Variants in SCFD2 observed in about 807,000 individuals in gnomAD.
SCFD2 encodes sec1 family domain-containing protein 2.
A neutral mutation model predicts 58.9 loss-of-function variants in SCFD2; 54 were observed. That is an observed-to-expected ratio of 0.92 (90% CI 0.74 to 1.15). The LOEUF is 1.15. Ranked by LOEUF, SCFD2 falls within the 50% of genes most tolerant of loss-of-function variation. The probability of loss-of-function intolerance (pLI) is 0.00; values close to 1 mark genes in which losing one functional copy is unlikely to be tolerated. For missense variants in SCFD2, 805 were observed against 836.6 expected (o/e 0.96, Z 0.47); for synonymous variants, 321 against 335.9 (o/e 0.96, Z 0.49).
At chr4:53,193,087 A>T (rs762319618) in intron 4 of SCFD2, among the ~76,000 whole-genome samples, 28 of 152,216 alleles carry the variant, frequency 1.8e-4, no homozygotes, top group Non-Finnish European at 3.4e-4. Flanking sequence ...AAATGGCTAA[A>T]TTTCCTGAAA....
chr4:53,216,267 G>A (rs537212099), intron 4 of SCFD2, among the ~76,000 whole-genome samples: 22 of 152,192 alleles, frequency 1.4e-4, no homozygotes, highest in African/African-American at 4.1e-4. Context: ...CTGTGAATTC[G>A]TCTGGCTCTG....
At chr4:52,993,139 T>A (rs1721661014) in intron 5 of SCFD2, among the ~76,000 whole-genome samples, 2 of 151,968 alleles carry the variant, frequency 1.3e-5, no homozygotes, top group Non-Finnish European at 2.9e-5. Flanking sequence ...CCACTCAGGG[T>A]TAAATGGATT....
chr4:53,322,213 C>CAA (rs1485722337), intron 2 of SCFD2, among the ~76,000 whole-genome samples: 3 of 152,102 alleles, frequency 2.0e-5, no homozygotes, highest in African/African-American at 7.2e-5. Context: ...GACCTTACTG[C>CAA]AAGCTGTTTT....
intron 5 of SCFD2, among the ~76,000 whole-genome samples, chr4:53,123,381 C>T (rs1018966216): frequency 5.9e-5 from 9 of 152,022 alleles, no homozygotes; most frequent in African/African-American, 2.2e-4. Flanking sequence ...TCCGGTTTGG[C>T]TAAGGAAATG....
At chr4:52,921,753 GCTTCC>G (rs1719741652) in intron 5 of SCFD2, among the ~76,000 whole-genome samples, 1 of 152,118 alleles carries the variant, frequency 6.6e-6, no homozygotes, top group East Asian at 1.9e-4. Flanking sequence ...TATTCCGACT[GCTTCC>G]TACCTCAGTA....
intron 5 of SCFD2, among the ~76,000 whole-genome samples, chr4:53,065,601 T>C (rs751252183): frequency 1.3e-5 from 2 of 152,124 alleles, no homozygotes; most frequent in Non-Finnish European, 2.9e-5. Flanking sequence ...CTTCAAAGTA[T>C]GTCATAGTAT....
At chr4:52,907,891 A>C (rs1719386653) in intron 6 of SCFD2, among the ~76,000 whole-genome samples, 1 of 152,228 alleles carries the variant, frequency 6.6e-6, no homozygotes, top group Non-Finnish European at 1.5e-5. Flanking sequence ...TTTTCTATTT[A>C]AAGTGACAAT....
chr4:52,920,507 C>T (rs1369354587), intron 6 of SCFD2, among the ~76,000 whole-genome samples: 1 of 152,152 alleles, frequency 6.6e-6, no homozygotes, highest in African/African-American at 2.4e-5. Flanking sequence ...TGACTCCCAA[C>T]TCAGTGCTCA....
intron 4 of SCFD2, among the ~76,000 whole-genome samples, chr4:53,269,106 G>T (rs1336002793): frequency 6.6e-6 from 1 of 152,168 alleles, no homozygotes; most frequent in South Asian, 2.1e-4. Context: ...GATCACTTGA[G>T]TCCAGGAGTT....
intron 5 of SCFD2, among the ~76,000 whole-genome samples, chr4:53,046,883 C>T (rs964321495): frequency 4.6e-5 from 7 of 151,946 alleles, no homozygotes; most frequent in Admixed American, 6.6e-5. Context: ...TATTGGCCAG[C>T]GTGGTCTCAA....
At chr4:52,912,532 T>C (rs1719511418) in intron 6 of SCFD2, among the ~76,000 whole-genome samples, 1 of 152,164 alleles carries the variant, frequency 6.6e-6, no homozygotes, top group Non-Finnish European at 1.5e-5. Flanking sequence ...AAAAACCCTC[T>C]AAATTTTCTA....
chr4:53,261,231 T>A (rs1730818987), intron 4 of SCFD2, among the ~76,000 whole-genome samples: 1 of 152,150 alleles, frequency 6.6e-6, no homozygotes, highest in Non-Finnish European at 1.5e-5. Context: ...TCAATTTCAT[T>A]TAGTTCTGCT....
At chr4:52,931,159 A>G (rs536017734) in intron 5 of SCFD2, among the ~76,000 whole-genome samples, 4 of 152,200 alleles carry the variant, frequency 2.6e-5, no homozygotes, top group African/African-American at 9.6e-5. Context: ...GATTGTTTTT[A>G]TTCCATTGAA....
chr4:53,365,977 A>C lies in SCFD2; in HGVS notation c.-36T>G. 2 of 1,506,388 alleles carry C rather than the reference A, an allele frequency of 1.3e-6. No homozygotes were observed. The highest frequency in any genetic ancestry group is 1.8e-6 in the Non-Finnish European group (2 of 1,134,694). The allele number at this position is 1,506,388 out of a possible 1,614,324, so 93.3% of individuals were successfully genotyped here. A position where few individuals can be genotyped will look rare whatever the true frequency, so the allele number is the denominator to read the frequency against. On this transcript the variant is annotated 5_prime_UTR_variant, in exon 1 of 9. Transcript: ENST00000401642. This position sits in a 1 kb window ranked among gnomAD's most constrained non-coding sequence, Gnocchi z 4.3. ...TCGCAGACTTGGGAAACTACGGTGC[A>C]GGAACTTCTTTCAGAACTCACCGCT...
chr4:53,186,687 T>A (rs1199015786), intron 4 of SCFD2, among the ~76,000 whole-genome samples: 1 of 151,840 alleles, frequency 6.6e-6, no homozygotes, highest in Admixed American at 6.6e-5. Context: ...AAAATACAGG[T>A]GAATGGTTAC....
At chr4:53,322,185 C>T (rs567595836) in intron 2 of SCFD2, among the ~76,000 whole-genome samples, 1 of 152,130 alleles carries the variant, frequency 6.6e-6, no homozygotes, top group Non-Finnish European at 1.5e-5. Context: ...GAGGTTAGCA[C>T]AAGGTACAGA....
At chr4:53,359,695 T>C (rs190889810) in intron 1 of SCFD2, among the ~76,000 whole-genome samples, 1 of 152,320 alleles carries the variant, frequency 6.6e-6, no homozygotes, top group African/African-American at 2.4e-5. Context: ...ACCAAACTCT[T>C]GTAACAACTA....
intron 4 of SCFD2, among the ~76,000 whole-genome samples, chr4:53,227,627 G>T (rs528077612): frequency 6.6e-6 from 1 of 152,116 alleles, no homozygotes; most frequent in African/African-American, 2.4e-5. Flanking sequence ...CTGAGCACTG[G>T]GAAGTCTAAA....
At chr4:52,962,561 G>A (rs1187186021) in intron 5 of SCFD2, among the ~76,000 whole-genome samples, 1 of 152,098 alleles carries the variant, frequency 6.6e-6, no homozygotes, top group Non-Finnish European at 1.5e-5. Flanking sequence ...GGGTGGCAGA[G>A]GTCATTCTCC....
Sources: gnomAD v4.1 joint callset for allele counts (sites outside exome capture counted in the v4.1 genomes callset) on GRCh38, gnomAD v4.1.1 for gene constraint, Gnocchi (gnomAD v3.1) non-coding constraint, MANE v1.5 for transcripts, NCBI Gene and HGNC (gene_info 2026-07-23, HGNC 2026-07-21) for gene names.